The following CRPPA variants were observed in gnomAD, a reference collection of about 807,000 sequenced individuals.
The protein encoded by CRPPA is CDP-L-ribitol pyrophosphorylase A.
In CRPPA, 43 loss-of-function variants were observed where a neutral mutation model predicts 52.0. That is an observed-to-expected ratio of 0.83 (90% CI 0.65 to 1.07). The LOEUF (loss-of-function observed/expected upper bound fraction) is 1.07, where lower values mean the gene tolerates loss of function less well. CRPPA is among the 50% of genes least tolerant of loss of function. The pLI is 0.00. For missense variants in CRPPA, 629 were observed against 551.7 expected (o/e 1.14, Z -1.40); for synonymous variants, 250 against 203.5 (o/e 1.23, Z -1.94).
intron 3 of CRPPA, among the ~76,000 whole-genome samples, chr7:16,325,834 G>GA (rs1722192791): frequency 6.6e-6 from 1 of 151,854 alleles, no homozygotes; most frequent in Admixed American, 6.6e-5. Context: ...TGATACAATG[G>GA]AATCCACCAC....
intron 8 of CRPPA, among the ~76,000 whole-genome samples, chr7:16,221,181 A>T (rs1782489486): frequency 6.6e-6 from 1 of 152,212 alleles, no homozygotes; most frequent in Admixed American, 6.5e-5. Context: ...CCTGAGAAAA[A>T]CAAGCAATGG....
chr7:16,149,571 CATACTATCACTT>C (rs1783035675), intron 9 of CRPPA, among the ~76,000 whole-genome samples: 1 of 152,142 alleles, frequency 6.6e-6, no homozygotes, highest in Non-Finnish European at 1.5e-5. Flanking sequence ...AGCATTCAAG[CATACTATCACTT>C]ATATTTAAAG....
chr7:16,403,241 G>A (rs1272038959), intron 2 of CRPPA, among the ~76,000 whole-genome samples: 3 of 152,114 alleles, frequency 2.0e-5, no homozygotes, highest in Admixed American at 1.3e-4. Flanking sequence ...CCGAACTTAT[G>A]GAAGCCATCT....
rs193057240 is a variant in CRPPA at position 16,089,644 on chromosome 7, T to C, written c.*2051A>G. The C allele has an allele frequency of 3.2e-4, 65 of 201,890 alleles. No homozygotes were observed. In the East Asian group the frequency reaches 3.5e-3, roughly 11 times the overall value. The allele number at this position is 201,890 out of a possible 1,614,324, so 12.5% of individuals were successfully genotyped here. A position where few individuals can be genotyped will look rare whatever the true frequency, so the allele number is the denominator to read the frequency against. ...GTATATGTATGTATGTATTTTTTTT[T>C]CCCAATGCTGTGAATTGCTTTGCCT... On this transcript the variant is annotated 3_prime_UTR_variant, in exon 10 of 10. Transcript: ENST00000407010.
At chr7:16,367,333 A>C (rs1418311408) in intron 3 of CRPPA, among the ~76,000 whole-genome samples, 1 of 152,214 alleles carries the variant, frequency 6.6e-6, no homozygotes, top group Non-Finnish European at 1.5e-5. Context: ...AACTAAGCAA[A>C]AACAGCCAGG....
At chr7:16,168,534 AACACACACACACAC>A (rs61189058) in intron 9 of CRPPA, among the ~76,000 whole-genome samples, 16 of 143,250 alleles carry the variant, frequency 1.1e-4, no homozygotes, top group Admixed American at 2.1e-4. Context: ...AGTGAAGTAA[AACACACACACACAC>A]ACACACACAC....
At chr7:16,313,786 T>A (rs933521673) in intron 3 of CRPPA, among the ~76,000 whole-genome samples, 1 of 152,018 alleles carries the variant, frequency 6.6e-6, no homozygotes, top group African/African-American at 2.4e-5. Context: ...GAGTATGTTG[T>A]TTAGTCTACA....
intron 9 of CRPPA, among the ~76,000 whole-genome samples, chr7:16,199,898 C>T (rs2128393217): frequency 6.9e-6 from 1 of 145,646 alleles, no homozygotes; most frequent in East Asian, 2.0e-4. Flanking sequence ...GCTCTTGTCG[C>T]CCAGGCTGGG....
intron 9 of CRPPA, among the ~76,000 whole-genome samples, chr7:16,104,094 G>T (rs1482783287): frequency 6.6e-6 from 1 of 152,144 alleles, no homozygotes; most frequent in Non-Finnish European, 1.5e-5. Context: ...TTAATGGGTA[G>T]ATAGTTAGTA....
chr7:16,357,866 TC>T (rs1245463276), intron 3 of CRPPA, among the ~76,000 whole-genome samples: 1 of 152,154 alleles, frequency 6.6e-6, no homozygotes, highest in African/African-American at 2.4e-5. Context: ...CAGGGAAGTT[TC>T]ATGGCTTGAG....
At chr7:16,231,380 G>A (rs1782792155) in intron 8 of CRPPA, among the ~76,000 whole-genome samples, 1 of 152,092 alleles carries the variant, frequency 6.6e-6, no homozygotes, top group Non-Finnish European at 1.5e-5. Flanking sequence ...ATCCTGCTTT[G>A]TCATCTTGTT....
intron 2 of CRPPA, among the ~76,000 whole-genome samples, chr7:16,398,361 A>C (rs1483159188): frequency 6.9e-6 from 1 of 144,372 alleles, no homozygotes; most frequent in Non-Finnish European, 1.5e-5. Context: ...CATGTGACAG[A>C]GGCAAGACCA....
At chr7:16,401,232 C>T (rs1260691695) in intron 2 of CRPPA, among the ~76,000 whole-genome samples, 4 of 152,238 alleles carry the variant, frequency 2.6e-5, no homozygotes, top group African/African-American at 9.6e-5. Context: ...ATAACAGACT[C>T]TCCTGTTACT....
chr7:16,216,879 T>A (rs1201601165), intron 8 of CRPPA, among the ~76,000 whole-genome samples: 2 of 152,026 alleles, frequency 1.3e-5, no homozygotes, highest in African/African-American at 2.4e-5. Flanking sequence ...CGCCCGCCAT[T>A]GCCCAGGCTT....
intron 2 of CRPPA, among the ~76,000 whole-genome samples, chr7:16,377,374 GA>G (rs1415940376): frequency 6.6e-6 from 1 of 152,158 alleles, no homozygotes; most frequent in Non-Finnish European, 1.5e-5. Context: ...AGACAGGAAG[GA>G]AATGCATGTA....
intron 6 of CRPPA, among the ~76,000 whole-genome samples, chr7:16,262,432 C>T (rs1430170471): frequency 6.6e-6 from 1 of 152,122 alleles, no homozygotes; most frequent in Non-Finnish European, 1.5e-5. Flanking sequence ...CACTGTTAAT[C>T]TCTTACAATG....
intron 6 of CRPPA, chr7:16,262,228 GAA>G (rs778416995): frequency 6.6e-6 from 1 of 152,108 alleles, no homozygotes; most frequent in East Asian, 1.9e-4. Flanking sequence ...CTTGATACAT[GAA>G]AAGTGTCCAC....
intron 8 of CRPPA, among the ~76,000 whole-genome samples, chr7:16,252,771 C>G (rs1358033550): frequency 6.6e-6 from 1 of 152,100 alleles, no homozygotes; most frequent in Admixed American, 6.6e-5. Context: ...TAATTATTGC[C>G]TCAATTTCAG....
chr7:16,369,092 A>G (rs1786682013), intron 3 of CRPPA, among the ~76,000 whole-genome samples: 1 of 152,192 alleles, frequency 6.6e-6, no homozygotes, highest in Non-Finnish European at 1.5e-5. Flanking sequence ...TAGCAGGAAG[A>G]GCCACAGACA....
Sources: allele counts gnomAD v4.1 joint callset (sites outside exome capture counted in the v4.1 genomes callset), GRCh38; gene constraint gnomAD v4.1.1; transcripts MANE v1.5; gene names NCBI Gene and HGNC (gene_info 2026-07-23, HGNC 2026-07-21).